Variants in PDE4D observed in about 807,000 individuals in gnomAD.
PDE4D encodes the protein phosphodiesterase 4D.
Under a neutral mutation model 87.4 loss-of-function variants are expected in PDE4D, and 24 were observed. The ratio of observed to expected loss-of-function variants is 0.27; its 90% CI spans 0.20 to 0.39. The LOEUF (loss-of-function observed/expected upper bound fraction) is 0.39. Among genes scored for constraint, PDE4D ranks in the 10% least tolerant of loss-of-function variants. The probability of loss-of-function intolerance (pLI) is 1.00; values close to 1 mark genes in which losing one functional copy is unlikely to be tolerated. For missense variants in PDE4D, 714 were observed against 1,041.0 expected (o/e 0.69, Z 4.32); for synonymous variants, 384 against 383.2 (o/e 1.00, Z -0.02).
chr5:59,635,689 C>A (rs1244932354), intron 1 of PDE4D, among the ~76,000 whole-genome samples: 1 of 152,156 alleles, frequency 6.6e-6, no homozygotes, highest in Non-Finnish European at 1.5e-5. Flanking sequence ...AAATTCAACA[C>A]TCCTTCATGC....
intron 2 of PDE4D, among the ~76,000 whole-genome samples, chr5:60,166,241 C>T (rs1782889753): frequency 6.6e-6 from 1 of 152,142 alleles, no homozygotes; most frequent in Non-Finnish European, 1.5e-5. Flanking sequence ...ACTACAGGCG[C>T]CCGCCACCAC....
chr5:60,088,416 A>G (rs1774763134), intron 2 of PDE4D, among the ~76,000 whole-genome samples: 1 of 152,082 alleles, frequency 6.6e-6, no homozygotes, highest in Admixed American at 6.5e-5. Context: ...TTTATATCCT[A>G]AGTATGAAAG....
chr5:60,164,669 G>C (rs577713376), intron 2 of PDE4D, among the ~76,000 whole-genome samples: 1 of 152,300 alleles, frequency 6.6e-6, no homozygotes, highest in Admixed American at 6.5e-5. Flanking sequence ...GGAACTGGCA[G>C]TCAAGGAAAA....
intron 1 of PDE4D, among the ~76,000 whole-genome samples, chr5:59,406,970 A>C (rs1243066096): frequency 1.3e-5 from 2 of 152,080 alleles, no homozygotes; most frequent in Non-Finnish European, 2.9e-5. Flanking sequence ...AGACTTGGCT[A>C]TCTATTCATA....
chr5:60,403,718 C>G (rs1331902696), intron 1 of PDE4D, among the ~76,000 whole-genome samples: 1 of 152,210 alleles, frequency 6.6e-6, no homozygotes, highest in East Asian at 1.9e-4. Flanking sequence ...GAAATTTAAG[C>G]CCAGTCTGCT....
intron 1 of PDE4D, among the ~76,000 whole-genome samples, chr5:60,338,157 A>C (rs1011616176): frequency 3.3e-5 from 5 of 152,150 alleles, no homozygotes; most frequent in African/African-American, 1.2e-4. Flanking sequence ...CAAACGATGA[A>C]AGCCGTTGAC....
intron 1 of PDE4D, among the ~76,000 whole-genome samples, chr5:59,639,862 G>A (rs1741266015): frequency 6.9e-6 from 1 of 145,162 alleles, no homozygotes; most frequent in African/African-American, 2.6e-5. Flanking sequence ...TGTGTGATGG[G>A]ATGGGGATTA....
intron 1 of PDE4D, among the ~76,000 whole-genome samples, chr5:59,366,558 T>C (rs895117068): frequency 3.3e-5 from 5 of 152,286 alleles, no homozygotes; most frequent in Non-Finnish European, 7.4e-5. Flanking sequence ...AGTCAAGCAC[T>C]TGGGAATGAG....
At chr5:59,897,614 C>T (rs372207827), upstream of PDE4D, among the ~76,000 whole-genome samples, 1 of 152,038 alleles carries the variant, frequency 6.6e-6, no homozygotes, top group Admixed American at 6.5e-5. Context: ...ATCCCACCCC[C>T]CGACAGGCCC....
At chr5:60,283,853 G>C (rs1752173210) in intron 1 of PDE4D, among the ~76,000 whole-genome samples, 1 of 152,064 alleles carries the variant, frequency 6.6e-6, no homozygotes, top group South Asian at 2.1e-4. Flanking sequence ...CTGCAGAAAA[G>C]GGAAAGGCAC....
At chr5:60,249,760 A>T (rs1342620994) in intron 1 of PDE4D, among the ~76,000 whole-genome samples, 1 of 152,050 alleles carries the variant, frequency 6.6e-6, no homozygotes, top group Non-Finnish European at 1.5e-5. Context: ...GGGATGAGAA[A>T]ACAGAAATAA....
intron 1 of PDE4D, among the ~76,000 whole-genome samples, chr5:59,604,204 T>A (rs1368425829): frequency 1.3e-5 from 2 of 149,758 alleles, no homozygotes; most frequent in African/African-American, 4.9e-5. Flanking sequence ...TACCACTTTA[T>A]TTACTTAGTC....
At chr5:60,261,318 T>C (rs1749624658) in intron 1 of PDE4D, among the ~76,000 whole-genome samples, 1 of 152,096 alleles carries the variant, frequency 6.6e-6, no homozygotes, top group African/African-American at 2.4e-5. Flanking sequence ...ATTTTCAGAA[T>C]CAATTTTCCT....
chr5:59,062,041 T>G (rs1763207111), intron 5 of PDE4D, among the ~76,000 whole-genome samples: 1 of 152,074 alleles, frequency 6.6e-6, no homozygotes, highest in African/African-American at 2.4e-5. Flanking sequence ...GCTTCTCCAC[T>G]GCTTACTGTT....
intron 1 of PDE4D, among the ~76,000 whole-genome samples, chr5:60,288,777 T>C (rs1752637197): frequency 6.6e-6 from 1 of 152,226 alleles, no homozygotes; most frequent in Non-Finnish European, 1.5e-5. Flanking sequence ...TTATTTTCAA[T>C]CGCATCAAAT....
intron 1 of PDE4D, among the ~76,000 whole-genome samples, chr5:59,639,554 C>A (rs1741183483): frequency 6.6e-6 from 1 of 152,086 alleles, no homozygotes; most frequent in Admixed American, 6.5e-5. Context: ...AGGAGAGACT[C>A]AAGGAGAGAG....
chr5:60,103,402 G>T (rs1047345504), intron 2 of PDE4D, among the ~76,000 whole-genome samples: 1 of 152,250 alleles, frequency 6.6e-6, no homozygotes, highest in Middle Eastern at 3.4e-3. Context: ...CACAAGAGAT[G>T]AACTATTTCA....
chr5:59,488,503 T>C (rs1805573094), intron 1 of PDE4D, among the ~76,000 whole-genome samples: 1 of 152,228 alleles, frequency 6.6e-6, no homozygotes, highest in Non-Finnish European at 1.5e-5. Flanking sequence ...CTCTGTATTG[T>C]GGTTCTTTTA....
At chr5:59,476,209 T>C (rs1349784755) in intron 1 of PDE4D, among the ~76,000 whole-genome samples, 1 of 151,742 alleles carries the variant, frequency 6.6e-6, no homozygotes, top group Non-Finnish European at 1.5e-5. Context: ...GAACACAAAA[T>C]GGTAAAAAAA....
Sources: gnomAD v4.1 joint callset for allele counts (sites outside exome capture counted in the v4.1 genomes callset) on GRCh38, gnomAD v4.1.1 for gene constraint, MANE v1.5 for transcripts, NCBI Gene and HGNC (gene_info 2026-07-23, HGNC 2026-07-21) for gene names.